NTN4: variants seen among roughly 807,000 people sequenced by gnomAD.
NTN4 encodes netrin-4.
A neutral mutation model predicts 73.6 loss-of-function variants in NTN4; 32 were observed. The ratio of observed to expected loss-of-function variants is 0.44; its 90% CI spans 0.33 to 0.58. The LOEUF (loss-of-function observed/expected upper bound fraction) is 0.58. NTN4 is among the 20% of genes least tolerant of loss of function. NTN4 has a pLI of 0.04. For missense variants in NTN4, 654 were observed against 798.3 expected, an observed-to-expected ratio of 0.82 and a Z score of 2.18; for synonymous variants, 258 against 287.5, an observed-to-expected ratio of 0.90 and a Z score of 1.04.
At chr12:95,749,373 A>G (rs1592702140) in intron 2 of NTN4, among the ~76,000 whole-genome samples, 1 of 152,296 alleles carries the variant, frequency 6.6e-6, no homozygotes, top group East Asian at 1.9e-4. Context: ...AGATCCACCT[A>G]TGACCTCAGG....
At chr12:95,729,613 A>AAGAGAG (rs59395729) in intron 3 of NTN4, among the ~76,000 whole-genome samples, 5 of 138,158 alleles carry the variant, frequency 3.6e-5, no homozygotes, top group African/African-American at 1.1e-4. Flanking sequence ...AATTATTATA[A>AAGAGAG]AGAGAGAGAG....
chr12:95,670,952 T>TTATGTACG (rs2078223158), intron 7 of NTN4: 1 of 148,824 alleles, frequency 6.7e-6, no homozygotes, highest in South Asian at 2.2e-4. Context: ...ATAGTTTATT[T>TTATGTACG]TATGTATGTA....
chr12:95,693,591 T>C (rs1203067080), intron 5 of NTN4, among the ~76,000 whole-genome samples: 4 of 150,694 alleles, frequency 2.7e-5, no homozygotes, highest in Admixed American at 6.6e-5. Context: ...ATTAGCTGGG[T>C]ATGGTGGTGC....
intron 2 of NTN4, among the ~76,000 whole-genome samples, chr12:95,752,832 TA>T (rs2121222419): frequency 6.6e-6 from 1 of 152,352 alleles, no homozygotes; most frequent in East Asian, 1.9e-4. Context: ...GCTGCTTTAA[TA>T]CTGTTAGAGG....
intron 8 of NTN4, among the ~76,000 whole-genome samples, chr12:95,669,313 TCTTTA>T (rs1282502653): frequency 2.0e-5 from 3 of 152,026 alleles, no homozygotes; most frequent in Non-Finnish European, 4.4e-5. Context: ...ATAGTAACAG[TCTTTA>T]CTTAGGCAGT....
At chr12:95,735,207 C>T (rs1407246042) in intron 3 of NTN4, among the ~76,000 whole-genome samples, 2 of 151,916 alleles carry the variant, frequency 1.3e-5, no homozygotes, top group African/African-American at 4.8e-5. Flanking sequence ...ACCGTGGCTG[C>T]TATTGGTCCA....
chr12:95,661,970 T>C (rs530646670), intron 9 of NTN4, among the ~76,000 whole-genome samples: 2 of 152,206 alleles, frequency 1.3e-5, no homozygotes, highest in East Asian at 3.9e-4. Context: ...ATGACCTGAG[T>C]ATTAGATAAC....
At chr12:95,661,690 C>G (rs2078138864) in intron 9 of NTN4, among the ~76,000 whole-genome samples, 1 of 152,088 alleles carries the variant, frequency 6.6e-6, no homozygotes, top group African/African-American at 2.4e-5. Flanking sequence ...ATCAATCAAG[C>G]CTTTCTTTAG....
rs1372209263 is a variant in NTN4, at chr12:95,782,305, C to CT, written c.585+4633dup. 3.4e-5 allele frequency among the ~76,000 whole-genome samples: 5 copies of CT among 145,738 alleles called. No individual in the cohort carries two copies. In the South Asian group the frequency reaches 8.6e-4, roughly 25 times the overall value. On this transcript the variant is annotated intron_variant, in intron 2 of 9. Coordinates refer to ENST00000343702, the MANE Select transcript of NTN4 (RefSeq NM_021229.4). ...TAATAATCCTTTACTTTTTTTTTTT[C>CT]TTTTTTTTGAGACAGAGTCTCACTC...
chr12:95,740,396 G>A (rs78105765), intron 2 of NTN4, among the ~76,000 whole-genome samples: 5,031 of 152,150 alleles, frequency 0.033, 270 homozygotes, highest in East Asian at 0.3. Flanking sequence ...CATAAGGAAG[G>A]GAATGTATCT....
intron 3 of NTN4, among the ~76,000 whole-genome samples, chr12:95,713,540 A>T (rs1202799986): frequency 6.6e-6 from 1 of 152,240 alleles, no homozygotes; most frequent in African/African-American, 2.4e-5. Flanking sequence ...ATTAAGTAAT[A>T]TAGTTTCTTG....
chr12:95,715,475 T>A (rs2078598567), intron 3 of NTN4, among the ~76,000 whole-genome samples: 1 of 152,176 alleles, frequency 6.6e-6, no homozygotes, highest in African/African-American at 2.4e-5. Flanking sequence ...AATCCCCAAG[T>A]ATGAATTGAG....
At chr12:95,753,454 A>G (rs1438191899) in intron 2 of NTN4, among the ~76,000 whole-genome samples, 1 of 144,406 alleles carries the variant, frequency 6.9e-6, no homozygotes, top group East Asian at 2.0e-4. Flanking sequence ...CTTTCACTGA[A>G]TAAGTAAAGG....
chr12:95,740,603 T>G (rs1442784494), intron 2 of NTN4, among the ~76,000 whole-genome samples: 3 of 152,204 alleles, frequency 2.0e-5, no homozygotes, highest in African/African-American at 7.2e-5. Flanking sequence ...TATGTTTTGG[T>G]GGTTAATATT....
chr12:95,747,361 T>C (rs1405585782), intron 2 of NTN4, among the ~76,000 whole-genome samples: 2 of 152,196 alleles, frequency 1.3e-5, no homozygotes, highest in Non-Finnish European at 2.9e-5. Flanking sequence ...GACAATGTCT[T>C]GCTTGAGTCT....
chr12:95,771,557 T>C (rs1165463011), intron 2 of NTN4, among the ~76,000 whole-genome samples: 2 of 152,194 alleles, frequency 1.3e-5, no homozygotes, highest in South Asian at 2.1e-4. Context: ...TCAAATTTCA[T>C]AACATTAAGC....
At chr12:95,754,819 C>A (rs1459573674) in intron 2 of NTN4, among the ~76,000 whole-genome samples, 6 of 152,212 alleles carry the variant, frequency 3.9e-5, no homozygotes, top group Non-Finnish European at 7.3e-5. Context: ...CGCCTGCACC[C>A]AGGTGAAATA....
At position 95,781,974 on chromosome 12, in the gene NTN4, G is replaced by A. The variant is rs2079135888; in HGVS notation, c.585+4965C>T. Among the ~76,000 whole-genome samples, 1 of 152,110 alleles carries A rather than the reference G, an allele frequency of 6.6e-6. No homozygotes were observed. The highest frequency in any genetic ancestry group is 1.5e-5 in the Non-Finnish European group (1 of 68,028). ...CTGGAATGGGATCTGACACATAGTA[G>A]CTTGAAAATTATTTGAATAAATGGG... On this transcript the variant is annotated intron_variant, in intron 2 of 9. Coordinates refer to ENST00000343702, the MANE Select transcript of NTN4 (RefSeq NM_021229.4). The surrounding 1 kb of genome is among the most constrained non-coding windows in gnomAD (Gnocchi z 4.1).
At chr12:95,765,756 T>C (rs2079017107) in intron 2 of NTN4, among the ~76,000 whole-genome samples, 1 of 152,232 alleles carries the variant, frequency 6.6e-6, no homozygotes, top group Non-Finnish European at 1.5e-5. Context: ...AGCACTTATA[T>C]AGTACTTAGC....
Sources: allele counts gnomAD v4.1 joint callset (sites outside exome capture counted in the v4.1 genomes callset), GRCh38; gene constraint gnomAD v4.1.1; non-coding constraint Gnocchi (gnomAD v3.1); transcripts MANE v1.5; gene names NCBI Gene and HGNC (gene_info 2026-07-23, HGNC 2026-07-21).